PRDM10: variants seen among roughly 807,000 people sequenced by gnomAD.
PRDM10 encodes the protein PR domain zinc finger protein 10.
Under a neutral mutation model 133.1 loss-of-function variants are expected in PRDM10, and 65 were observed. The ratio of observed to expected loss-of-function variants is 0.49; its 90% CI spans 0.40 to 0.60. The LOEUF is 0.60. Among genes scored for constraint, PRDM10 ranks in the 20% least tolerant of loss-of-function variants. PRDM10 has a pLI of 0.00. For missense variants in PRDM10, 1,137 were observed against 1,507.1 expected (o/e 0.75, Z 4.07); for synonymous variants, 582 against 580.4 (o/e 1.00, Z -0.04).
At chr11:129,963,415 A>AGAAGG (rs1565498433) in intron 1 of PRDM10, among the ~76,000 whole-genome samples, 1 of 150,388 alleles carries the variant, frequency 6.6e-6, no homozygotes, top group Non-Finnish European at 1.5e-5. Context: ...AGAAGAGAAG[A>AGAAGG]GAAGAGAAGA....
chr11:129,933,615 G>A (rs1565474988), intron 9 of PRDM10, among the ~76,000 whole-genome samples: 1 of 152,140 alleles, frequency 6.6e-6, no homozygotes, highest in Non-Finnish European at 1.5e-5. Context: ...ATTACCTACT[G>A]TGTATCACAT....
intron 8 of PRDM10, 132 bp downstream of exon 8, chr11:129,937,466 T>C: frequency 1.6e-6 from 1 of 629,812 alleles, no homozygotes; most frequent in East Asian, 3.0e-5. Flanking sequence ...TGGAGATGTG[T>C]GTCTCTAAAA....
intron 7 of PRDM10, among the ~76,000 whole-genome samples, chr11:129,938,060 C>T (rs1387387580): frequency 6.6e-6 from 1 of 152,156 alleles, no homozygotes; most frequent in Non-Finnish European, 1.5e-5. Flanking sequence ...CCAATGACAC[C>T]TTCCAAGGCA....
At position 129,899,908 on chromosome 11, in the gene PRDM10, T is replaced by A. The variant is rs1047254647; in HGVS notation, c.*2405A>T. ...ATGAAGTGCTTTTTAGACCTAGATA[T>A]CTTAAGAGTTTTTTTGAAAGGATAC... On this transcript the variant is annotated 3_prime_UTR_variant, in exon 21 of 21. Transcript: ENST00000360871. 3.9e-5 allele frequency: 6 copies of A among 152,640 alleles called. No individual in the cohort carries two copies. The highest frequency in any genetic ancestry group is 4.4e-5 in the Non-Finnish European group (3 of 68,036). The allele number at this position is 152,640 out of a possible 1,614,324, so 9.5% of individuals were successfully genotyped here.
Position 129,961,091 on chromosome 11 carries a change from A to T in PRDM10, c.-118-9T>A. ...GTCTGTCTGCAGCATGCCTGAGAAAACACAGAAAAGGAACCAAGACTTTCA... is the reference window on the plus strand; with the variant it reads ...GTCTGTCTGCAGCATGCCTGAGAAATCACAGAAAAGGAACCAAGACTTTCA... On this transcript the variant is annotated splice_polypyrimidine_tract_variant and intron_variant, in intron 1 of 20. Coordinates refer to ENST00000360871, the MANE Select transcript of PRDM10 (RefSeq NM_199437.2). The T allele has an allele frequency of 3.1e-6, 2 of 636,796 alleles. No homozygotes were observed. The highest frequency in any genetic ancestry group is 5.2e-6 in the Non-Finnish European group (2 of 386,364). The allele number at this position is 636,796 out of a possible 1,614,324, so 39.4% of individuals were successfully genotyped here.
At chr11:129,981,519 G>T (rs1211934721) in intron 1 of PRDM10, among the ~76,000 whole-genome samples, 4 of 152,018 alleles carry the variant, frequency 2.6e-5, no homozygotes, top group African/African-American at 9.7e-5. Flanking sequence ...ACAGTATGCT[G>T]TGGACACCTT....
At chr11:129,997,141 T>C (rs928279472) in intron 1 of PRDM10, among the ~76,000 whole-genome samples, 1 of 152,164 alleles carries the variant, frequency 6.6e-6, no homozygotes, top group Non-Finnish European at 1.5e-5. Context: ...TAAAAAAATA[T>C]GGATTTTACG....
chr11:129,956,763 C>T (rs968574372), intron 3 of PRDM10, among the ~76,000 whole-genome samples: 9 of 152,076 alleles, frequency 5.9e-5, no homozygotes, highest in East Asian at 1.9e-4. Flanking sequence ...ACTAATTAGG[C>T]GGGCCTCATT....
intron 1 of PRDM10, among the ~76,000 whole-genome samples, chr11:129,971,392 C>T (rs1334898762): frequency 6.6e-6 from 1 of 152,030 alleles, no homozygotes; most frequent in Non-Finnish European, 1.5e-5. Flanking sequence ...GAGATAGATA[C>T]AAAGGTTCTC....
chr11:129,971,471 G>C (rs962653980), intron 1 of PRDM10, among the ~76,000 whole-genome samples: 4 of 152,154 alleles, frequency 2.6e-5, no homozygotes, highest in Non-Finnish European at 5.9e-5. Flanking sequence ...CACCAGAGCA[G>C]CTAGATACAG....
In PRDM10 at chr11:129,902,194, G is replaced by A. The variant is rs1438756602; in HGVS notation, c.*119C>T. On this transcript the variant is annotated 3_prime_UTR_variant, in exon 21 of 21. Coordinates refer to ENST00000360871, the MANE Select transcript of PRDM10 (RefSeq NM_199437.2). ...CAGTGTATGGATGAGAGACAAAACT[G>A]TGGTTTCCGAACTCTTGAGTGAATA... 7.3e-7 allele frequency: 1 copy of A among 1,368,422 alleles called. No individual in the cohort carries two copies. Among genetic ancestry groups the A allele is most frequent in the African/African-American group, 1.5e-5 (1 of 68,552 alleles). 84.8% of individuals were successfully genotyped at this position (1,368,422 alleles called of 1,614,324 possible). A position where few individuals can be genotyped will look rare whatever the true frequency, so the allele number is the denominator to read the frequency against.
At chr11:129,914,498 CCTGA>C in intron 17 of PRDM10, 1 of 716,870 alleles carries the variant, frequency 1.4e-6, no homozygotes, top group Non-Finnish European at 2.4e-6. Context: ...CCTAAAATTT[CCTGA>C]CTACTATAGA....
intron 1 of PRDM10, among the ~76,000 whole-genome samples, chr11:129,965,580 T>A (rs891553696): frequency 2.0e-5 from 3 of 152,080 alleles, no homozygotes; most frequent in African/African-American, 4.8e-5. Flanking sequence ...TCTGTCCTTT[T>A]CCCCCTGTCC....
intron 1 of PRDM10, among the ~76,000 whole-genome samples, chr11:129,969,678 G>A (rs1333714198): frequency 3.3e-5 from 5 of 151,486 alleles, no homozygotes; most frequent in African/African-American, 7.3e-5. Context: ...GTGGTGGTGC[G>A]TGCCTGTAAT....
chr11:129,944,758 G>C lies in PRDM10; in HGVS notation c.762+13C>G. ...TAAAGGACAGGAGTGAAGTGTGATA[G>C]AGCATAAATTACCTTGAGGTGAATG... On this transcript the variant is annotated intron_variant, in intron 6 of 20. Transcript: ENST00000360871. 6.2e-7 allele frequency: 1 copy of C among 1,613,714 alleles called. No individual in the cohort carries two copies.
chr11:129,954,319 G>A (rs1951654489), intron 4 of PRDM10, among the ~76,000 whole-genome samples: 1 of 149,554 alleles, frequency 6.7e-6, no homozygotes, highest in East Asian at 2.0e-4. Flanking sequence ...CTGGAGTGCA[G>A]TGGCACAATC....
At chr11:129,929,756 C>CAA (rs67664190) in intron 11 of PRDM10, among the ~76,000 whole-genome samples, 4 of 90,140 alleles carry the variant, frequency 4.4e-5, no homozygotes, top group South Asian at 3.3e-4. Context: ...TTTTTCCTTC[C>CAA]AAAAAAAAAA....
chr11:129,917,728 A>G (rs1192961509), intron 14 of PRDM10, among the ~76,000 whole-genome samples: 1 of 152,266 alleles, frequency 6.6e-6, no homozygotes, highest in Non-Finnish European at 1.5e-5. Context: ...AGTTGAGAGC[A>G]GAGCACTGGC....
intron 13 of PRDM10, among the ~76,000 whole-genome samples, chr11:129,922,345 AT>A (rs1328285786): frequency 6.6e-6 from 1 of 152,112 alleles, no homozygotes; most frequent in Non-Finnish European, 1.5e-5. Context: ...TTTAGATATG[AT>A]TTTTTTTAAG....
Sources: allele counts gnomAD v4.1 joint callset (sites outside exome capture counted in the v4.1 genomes callset), GRCh38; gene constraint gnomAD v4.1.1; transcripts MANE v1.5; gene names NCBI Gene and HGNC (gene_info 2026-07-23, HGNC 2026-07-21).